CD86: variants seen among roughly 807,000 people sequenced by gnomAD.
CD86 encodes the protein CD86 molecule.
In CD86, 11 loss-of-function variants were observed where a neutral mutation model predicts 32.1. The ratio of observed to expected loss-of-function variants is 0.34; its 90% CI spans 0.22 to 0.57. The LOEUF (loss-of-function observed/expected upper bound fraction) is 0.57. Ranked by LOEUF, CD86 falls within the 20% of genes least tolerant of loss-of-function variation. CD86 has a pLI of 0.86. For missense variants in CD86, 359 were observed against 398.4 expected, an observed-to-expected ratio of 0.90 and a Z score of 0.84; for synonymous variants, 137 against 135.3, an observed-to-expected ratio of 1.01 and a Z score of -0.09.
Position 122,105,388 on chromosome 3 carries a change from G to A in CD86, c.401-810G>A, listed in dbSNP as rs79827992. Among the ~76,000 whole-genome samples the A allele has an allele frequency of 3.5e-4, 54 of 152,256 alleles. 1 individual carries two copies. The East Asian group carries it at 0.01, about 29-fold the overall frequency. On this transcript the variant is annotated intron_variant, in intron 3 of 6. Coordinates refer to ENST00000330540, the MANE Select transcript of CD86 (RefSeq NM_175862.5). Reference sequence around the variant, plus strand: ...TTATAAAGATGACATGCAAATGACAGACCTTTTAGTAAGAATACACTAAAT... The same window carrying A: ...TTATAAAGATGACATGCAAATGACAAACCTTTTAGTAAGAATACACTAAAT...
intron 5 of CD86, among the ~76,000 whole-genome samples, chr3:122,116,072 C>T (rs1320208921): frequency 1.3e-5 from 2 of 152,074 alleles, no homozygotes; most frequent in Non-Finnish European, 2.9e-5. Context: ...AGGAGAAAAT[C>T]TTTGTAACCT....
intron 5 of CD86, among the ~76,000 whole-genome samples, chr3:122,117,282 G>A (rs1354636370): frequency 3.3e-5 from 5 of 152,124 alleles, no homozygotes; most frequent in African/African-American, 1.2e-4. Flanking sequence ...CCTCATAAAA[G>A]CTGATTGTTT....
In CD86 at chr3:122,117,034, C is replaced by A. The variant is rs149266828; in HGVS notation, c.848-1014C>A. ...GTTTTATTATTTATTAATTATACCT[C>A]CATAAAGCTGATTGTTTTTATCTTT... is the stretch of plus-strand genomic sequence containing the variant. On this transcript the variant is annotated intron_variant, in intron 5 of 6. Transcript: ENST00000330540. 5.3e-3 allele frequency among the ~76,000 whole-genome samples: 800 copies of A among 152,194 alleles called. 8 individuals are homozygous for A. The highest frequency in any genetic ancestry group is 0.018 in the African/African-American group (738 of 41,530).
chr3:122,096,775 G>A (rs548050633), intron 2 of CD86, among the ~76,000 whole-genome samples: 10 of 152,188 alleles, frequency 6.6e-5, no homozygotes, highest in Non-Finnish European at 1.3e-4. Context: ...CATGCTATTA[G>A]TTATAATAGT....
chr3:122,110,349 T>C (rs948538113), intron 5 of CD86, among the ~76,000 whole-genome samples: 1 of 152,224 alleles, frequency 6.6e-6, no homozygotes, highest in Non-Finnish European at 1.5e-5. Flanking sequence ...TTTATAATAA[T>C]GCCATGCCTT....
At chr3:122,106,865 C>CACACACACAA (rs2073100305) in intron 4 of CD86, among the ~76,000 whole-genome samples, 2 of 151,840 alleles carry the variant, frequency 1.3e-5, no homozygotes, top group Non-Finnish European at 2.9e-5. Flanking sequence ...CACACACACA[C>CACACACACAA]ACACACCATG....
intron 4 of CD86, among the ~76,000 whole-genome samples, chr3:122,108,714 C>A (rs2073127861): frequency 6.6e-6 from 1 of 152,100 alleles, no homozygotes; most frequent in South Asian, 2.1e-4. Flanking sequence ...ATGCTGAAAG[C>A]CATGCAGAGG....
chr3:122,057,099 C>T (rs1225740984), intron 1 of CD86, among the ~76,000 whole-genome samples: 1 of 152,158 alleles, frequency 6.6e-6, no homozygotes, highest in Non-Finnish European at 1.5e-5. Context: ...AGCAAGCAAT[C>T]AAGAACCCTC....
At chr3:122,077,629 G>C (rs145261362) in intron 1 of CD86, 51 of 287,640 alleles carry the variant, frequency 1.8e-4, no homozygotes, top group Non-Finnish European at 1.7e-4. Flanking sequence ...TTCAAAGGCT[G>C]TGTGTACTCT....
At chr3:122,084,176 G>A (rs1334165381) in intron 1 of CD86, among the ~76,000 whole-genome samples, 6 of 152,140 alleles carry the variant, frequency 3.9e-5, no homozygotes, top group African/African-American at 1.4e-4. Flanking sequence ...TAGTAGAGAC[G>A]GGGTTTCCCC....
chr3:122,111,157 A>G (rs2073166222), intron 5 of CD86, among the ~76,000 whole-genome samples: 1 of 152,224 alleles, frequency 6.6e-6, no homozygotes, highest in African/African-American at 2.4e-5. Context: ...ATTTATTCAG[A>G]CAGTCATCCA....
chr3:122,060,512 A>G (rs1437386347), intron 1 of CD86, among the ~76,000 whole-genome samples: 1 of 152,122 alleles, frequency 6.6e-6, no homozygotes. Flanking sequence ...GCTGAGGTCA[A>G]TGGCTCATGC....
chr3:122,100,574 T>C (rs1224198333), intron 2 of CD86, among the ~76,000 whole-genome samples: 1 of 152,178 alleles, frequency 6.6e-6, no homozygotes. Context: ...ATATAAGATA[T>C]GCATTTGGGG....
At position 122,121,133 on chromosome 3, in the gene CD86, T is replaced by A. The variant is rs1007279432; in HGVS notation, c.*1599T>A. 3 of 152,274 alleles carry A rather than the reference T, an allele frequency of 2.0e-5. No individual in the cohort carries two copies. Among genetic ancestry groups the A allele is most frequent in the African/African-American group, 7.2e-5 (3 of 41,472 alleles). The allele number at this position is 152,274 out of a possible 1,614,324, so 9.4% of individuals were successfully genotyped here. On this transcript the variant is annotated 3_prime_UTR_variant, in exon 7 of 7. Transcript: ENST00000330540. ...CAGTTTTTAATAAATGCTTGTTACA[T>A]TCATTTAAAAGTCTACATTTTCTGC...
chr3:122,094,411 A>G (rs1047387873), intron 2 of CD86, among the ~76,000 whole-genome samples: 1 of 152,238 alleles, frequency 6.6e-6, no homozygotes, highest in African/African-American at 2.4e-5. Context: ...TGGTGAGAGA[A>G]TAAGTGACTA....
intron 1 of CD86, among the ~76,000 whole-genome samples, chr3:122,060,940 C>G (rs1277223379): frequency 1.3e-5 from 2 of 151,958 alleles, no homozygotes; most frequent in African/African-American, 4.8e-5. Flanking sequence ...GGAAAAAAAA[C>G]CCATTAGAGT....
intron 5 of CD86, among the ~76,000 whole-genome samples, chr3:122,110,437 G>C (rs1210614360): frequency 6.6e-6 from 1 of 152,114 alleles, no homozygotes; most frequent in African/African-American, 2.4e-5. Flanking sequence ...AGTTTGATTG[G>C]TGCTAATAAT....
chr3:122,105,158 G>T (rs2073071488), intron 3 of CD86, among the ~76,000 whole-genome samples: 1 of 152,160 alleles, frequency 6.6e-6, no homozygotes, highest in Non-Finnish European at 1.5e-5. Context: ...AGGTACCATT[G>T]GAAATGTTTT....
intron 1 of CD86, among the ~76,000 whole-genome samples, chr3:122,067,221 C>T (rs977934007): frequency 1.3e-5 from 2 of 152,144 alleles, no homozygotes; most frequent in African/African-American, 2.4e-5. Context: ...TGCTGAGAAG[C>T]GTGAACACTA....
Sources: gnomAD v4.1 joint callset for allele counts (sites outside exome capture counted in the v4.1 genomes callset) on GRCh38, gnomAD v4.1.1 for gene constraint, MANE v1.5 for transcripts, NCBI Gene and HGNC (gene_info 2026-07-23, HGNC 2026-07-21) for gene names.